The following HMGB1 variants were observed in gnomAD, a reference collection of about 807,000 sequenced individuals.
The protein encoded by HMGB1 is high mobility group protein B1.
For missense variants in HMGB1, 79 were observed against 253.5 expected (o/e 0.31, Z 4.67); for synonymous variants, 81 against 84.0 (o/e 0.96, Z 0.19).
chr13:30,496,697 T>C (rs543675592), intron 1 of HMGB1, among the ~76,000 whole-genome samples: 11 of 152,210 alleles, frequency 7.2e-5, no homozygotes, highest in African/African-American at 1.7e-4. Context: ...AAATGCAGTA[T>C]CTTTAATGGG....
rs1869847043 is a variant in HMGB1 at position 30,559,406 on chromosome 13, T to C, written c.-15+57265A>G. On this transcript the variant is annotated intron_variant, in intron 1 of 4. Transcript: ENST00000405805. This position sits in a 1 kb window ranked among gnomAD's most constrained non-coding sequence, Gnocchi z 6.6. ...CCGAGTTTCATTGCTGGTTTACTAG[T>C]TTTGCTTCCTTGGGCAGTGAATTTA... Among the ~76,000 whole-genome samples, 1 of 152,164 alleles carries C rather than the reference T, an allele frequency of 6.6e-6. No homozygotes were observed. The highest frequency in any genetic ancestry group is 1.5e-5 in the Non-Finnish European group (1 of 68,018).
chr13:30,478,871 C>CTTTTTT (rs3042542), intron 1 of HMGB1, among the ~76,000 whole-genome samples: 27 of 126,122 alleles, frequency 2.1e-4, no homozygotes, highest in Non-Finnish European at 3.5e-4. Context: ...CTTTTCTTTT[C>CTTTTTT]TTTTTTTTTT....
rs117620408 is a variant in HMGB1 at position 30,522,412 on chromosome 13, G to A, written c.-14-58718C>T. 1.3e-3 allele frequency among the ~76,000 whole-genome samples: 203 copies of A among 151,758 alleles called. 1 individual carries two copies. Among genetic ancestry groups the A allele is most frequent in the Admixed American group, 3.7e-3 (56 of 15,228 alleles). ...AGCCACTGTGCCTGGACATAATCTC[G>A]CTTCTAGTTTCTGAGACCATTGCCT... On this transcript the variant is annotated intron_variant, in intron 1 of 4. Transcript: ENST00000405805.
Position 30,459,384 on chromosome 13 carries a change from T to G in HMGB1, c.*1973A>C, listed in dbSNP as rs1565991275. On this transcript the variant is annotated 3_prime_UTR_variant, in exon 5 of 5. Coordinates refer to ENST00000341423, the MANE Select transcript of HMGB1 (RefSeq NM_002128.7). ...ATGGTAGTTGTCATGACGTACCTAC[T>G]AAAGTTACAAATTCTCCTTGAGCCA... The G allele has an allele frequency of 6.6e-6, 1 of 152,228 alleles. No homozygotes were observed. Among genetic ancestry groups the G allele is most frequent in the African/African-American group, 2.4e-5 (1 of 41,466 alleles). 9.4% of individuals were successfully genotyped at this position (152,228 alleles called of 1,614,324 possible). A position where few individuals can be genotyped will look rare whatever the true frequency, so the allele number is the denominator to read the frequency against.
At chr13:30,464,731 G>GC in intron 1 of HMGB1, 4 of 652,536 alleles carry the variant, frequency 6.1e-6, no homozygotes, top group Non-Finnish European at 7.6e-6. Flanking sequence ...CCGCGAGGGC[G>GC]AGCGCGAGCG....
chr13:30,463,129 G>C, intron 3 of HMGB1, 78 bp downstream of exon 3: 1 of 1,381,960 alleles, frequency 7.2e-7, no homozygotes, highest in African/African-American at 1.5e-5. Flanking sequence ...ACTCTAAACT[G>C]ACAAAGTAGC....
At chr13:30,464,850 C>G (rs1405595682) in intron 1 of HMGB1, 1 of 152,068 alleles carries the variant, frequency 6.6e-6, no homozygotes, top group Non-Finnish European at 1.4e-5. Context: ...GGGTGCGAGC[C>G]GCGCTCTGGC....
chr13:30,511,435 C>T (rs1313900313), intron 1 of HMGB1, among the ~76,000 whole-genome samples: 1 of 152,154 alleles, frequency 6.6e-6, no homozygotes. Context: ...TGCCATGTGA[C>T]GTGCCTGCTC....
chr13:30,556,168 G>A (rs1869677232), intron 1 of HMGB1, among the ~76,000 whole-genome samples: 2 of 152,202 alleles, frequency 1.3e-5, no homozygotes, highest in Non-Finnish European at 2.9e-5. Context: ...ACTTTGGGAG[G>A]CCAAGATGGG....
rs1566019159 is a variant in HMGB1 at position 30,538,667 on chromosome 13, T to TCTTTC, written c.-14-74978_-14-74974dup. Among the ~76,000 whole-genome samples, 37 of 17,770 alleles carry TCTTTC rather than the reference T, an allele frequency of 2.1e-3. 1 individual carries two copies. Among genetic ancestry groups the TCTTTC allele is most frequent in the African/African-American group, 4.4e-3 (36 of 8,136 alleles). 11.7% of individuals were successfully genotyped at this position (17,770 alleles called of 152,430 possible). A position where few individuals can be genotyped will look rare whatever the true frequency, so the allele number is the denominator to read the frequency against. ...CCTTTCTTTCTTTCTTTCTTTCCTT[T>TCTTTC]CTTTCTTTCTTTCTTTCCTTTCTTT... On this transcript the variant is annotated intron_variant, in intron 1 of 4. Transcript: ENST00000405805.
rs540207338 is a variant in HMGB1 at position 30,566,371 on chromosome 13, T to A, written c.-15+50300A>T. On this transcript the variant is annotated intron_variant, in intron 1 of 4. Coordinates refer to the HMGB1 transcript ENST00000405805. ...AATGTTTTAGAGTTTCTGGGCCACA[T>A]ATGGTTTCTGTTCCAGCTATAAACT... Among the ~76,000 whole-genome samples the A allele has an allele frequency of 1.9e-4, 29 of 152,328 alleles. 1 individual carries two copies. Among genetic ancestry groups the A allele is most frequent in the African/African-American group, 6.5e-4 (27 of 41,574 alleles).
Position 30,459,416 on chromosome 13 carries a change from A to G in HMGB1, c.*1941T>C, listed in dbSNP as rs1315245206. The G allele has an allele frequency of 6.6e-6, 1 of 152,190 alleles. No homozygotes were observed. Among genetic ancestry groups the G allele is most frequent in the African/African-American group, 2.4e-5 (1 of 41,438 alleles). 9.4% of individuals were successfully genotyped at this position (152,190 alleles called of 1,614,324 possible). On this transcript the variant is annotated 3_prime_UTR_variant, in exon 5 of 5. Coordinates refer to ENST00000341423, the MANE Select transcript of HMGB1 (RefSeq NM_002128.7). The stretch of plus-strand genomic sequence containing the variant: ...ACAAATTCTCCTTGAGCCAGAATTC[A>G]TTTTAAATGGATCAGAATTATTAAT...
At chr13:30,494,128 C>T (rs1342017342) in intron 1 of HMGB1, among the ~76,000 whole-genome samples, 2 of 152,128 alleles carry the variant, frequency 1.3e-5, no homozygotes, top group Non-Finnish European at 2.9e-5. Context: ...CTTCACATTT[C>T]TCCAACTGAG....
At chr13:30,609,540 C>CA (rs1950494592) in intron 1 of HMGB1, among the ~76,000 whole-genome samples, 1 of 152,176 alleles carries the variant, frequency 6.6e-6, no homozygotes, top group African/African-American at 2.4e-5. Context: ...TCCCTCCCTA[C>CA]ATGCTCCTGC....
intron 1 of HMGB1, among the ~76,000 whole-genome samples, chr13:30,546,272 C>T (rs889241548): frequency 4.6e-5 from 7 of 152,174 alleles, no homozygotes; most frequent in Non-Finnish European, 8.8e-5. Flanking sequence ...TGCATCGCCA[C>T]GCCTGGCTAA....
Position 30,458,334 on chromosome 13 carries a change from T to TA in HMGB1, c.*3022_*3023insT, listed in dbSNP as rs1886085804. 1 of 150,428 alleles carries TA rather than the reference T, an allele frequency of 6.6e-6. No homozygotes were observed. Among genetic ancestry groups the TA allele is most frequent in the Non-Finnish European group, 1.5e-5 (1 of 67,660 alleles). The allele number at this position is 150,428 out of a possible 1,614,324, so 9.3% of individuals were successfully genotyped here. On this transcript the variant is annotated 3_prime_UTR_variant, in exon 5 of 5. Transcript: ENST00000341423. The stretch of plus-strand genomic sequence containing the variant: ...AAAAACCAGTTGTCTCTCCTGTGTT[T>TA]TTTTTTTTTTTTTGAGATGGAGTCT...
intron 1 of HMGB1, among the ~76,000 whole-genome samples, chr13:30,585,839 G>C (rs933829175): frequency 6.6e-6 from 1 of 152,046 alleles, no homozygotes; most frequent in African/African-American, 2.4e-5. Flanking sequence ...CCCAGACTAA[G>C]GGGAAAAAAC....
In HMGB1 at chr13:30,458,917, A is replaced by G. The variant is rs189448117; in HGVS notation, c.*2440T>C. On this transcript the variant is annotated 3_prime_UTR_variant, in exon 5 of 5. Transcript: ENST00000341423. ...CAATAGCTCTCAACCTTTGCACAGC[A>G]AAGTTAGGAAATTTGACTCGTTAAT... 1 of 152,354 alleles carries G rather than the reference A, an allele frequency of 6.6e-6. No individual in the cohort carries two copies. The highest frequency in any genetic ancestry group is 2.4e-5 in the African/African-American group (1 of 41,582). 9.4% of individuals were successfully genotyped at this position (152,354 alleles called of 1,614,324 possible).
chr13:30,521,277 A>G (rs1401826960), intron 1 of HMGB1, among the ~76,000 whole-genome samples: 1 of 152,194 alleles, frequency 6.6e-6, no homozygotes, highest in Admixed American at 6.5e-5. Context: ...GAAAAATTCA[A>G]TGGAGTTTAG....
Sources: gnomAD v4.1 joint callset for allele counts (sites outside exome capture counted in the v4.1 genomes callset) on GRCh38, gnomAD v4.1.1 for gene constraint, Gnocchi (gnomAD v3.1) non-coding constraint, MANE v1.5 for transcripts, NCBI Gene and HGNC (gene_info 2026-07-23, HGNC 2026-07-21) for gene names.